Variants in TAF5 observed in about 807,000 individuals in gnomAD.
The protein encoded by TAF5 is transcription initiation factor TFIID subunit 5.
In TAF5, 20 loss-of-function variants were observed where a neutral mutation model predicts 80.9. The observed-to-expected ratio is 0.25, with a 90% CI of 0.17 to 0.36. The LOEUF (loss-of-function observed/expected upper bound fraction) is 0.36. TAF5 is among the 10% of genes least tolerant of loss of function. The pLI is 1.00. For missense variants in TAF5, 863 were observed against 1,029.4 expected (o/e 0.84, Z 2.21); for synonymous variants, 388 against 406.4 (o/e 0.95, Z 0.55).
intron 5 of TAF5, among the ~76,000 whole-genome samples, chr10:103,381,271 A>G (rs1170522450): frequency 7.2e-6 from 1 of 139,260 alleles, no homozygotes; most frequent in Non-Finnish European, 1.6e-5. Context: ...TTATTTTATT[A>G]TTATTTTTTT....
chr10:103,380,203 A>G (rs544939815), intron 5 of TAF5, among the ~76,000 whole-genome samples, 184 bp downstream of exon 5: 3 of 150,660 alleles, frequency 2.0e-5, no homozygotes, highest in African/African-American at 7.3e-5. Flanking sequence ...ATCTCAGCTC[A>G]CTGCAATGTC....
At position 103,387,581 on chromosome 10, in the gene TAF5, G is replaced by A. The variant is rs761339553; in HGVS notation, c.2068G>A (p.Asp690Asn). 2 of 1,614,042 alleles carry A rather than the reference G, an allele frequency of 1.2e-6. No individual in the cohort carries two copies. Among genetic ancestry groups the A allele is most frequent in the Non-Finnish European group, 1.7e-6 (2 of 1,180,034 alleles). Residue 690 changes from aspartate to asparagine, a missense_variant, in exon 10 of 11, where the codon GAT (aspartate) becomes AAT (asparagine). Coordinates refer to ENST00000369839, the MANE Select transcript of TAF5 (RefSeq NM_006951.5). ...NGRFLATGAT[D>N]GRVLLWDIGH... ...GAGATTCCTGGCTACAGGAGCAACA[G>A]ATGGCAGAGTGCTTCTTTGGGATAT...
In TAF5 at chr10:103,388,079, T is replaced by C; in HGVS notation, c.2259T>C (p.Thr753=). ...AFEDLETDDF[T]TATGHINLPE... ...AAGATTTAGAGACCGATGACTTTAC[T>C]ACAGCCACTGGGCATATAAATTTAC... is the stretch of plus-strand genomic sequence containing the variant. The change falls in exon 11 of 11, where the codon ACT becomes ACC. Residue 753 remains threonine, a synonymous_variant. Coordinates refer to ENST00000369839, the MANE Select transcript of TAF5 (RefSeq NM_006951.5). 1 of 1,614,154 alleles carries C rather than the reference T, an allele frequency of 6.2e-7. No individual in the cohort carries two copies. The highest frequency in any genetic ancestry group is 8.5e-7 in the Non-Finnish European group (1 of 1,179,984).
chr10:103,386,739 C>G (rs12244173), intron 8 of TAF5, among the ~76,000 whole-genome samples: 1 of 150,942 alleles, frequency 6.6e-6, no homozygotes, highest in African/African-American at 2.4e-5. Context: ...TCTCGGCTCA[C>G]TGCAACCTCT....
intron 2 of TAF5, among the ~76,000 whole-genome samples, chr10:103,375,304 G>A (rs1272106447): frequency 1.3e-5 from 2 of 152,066 alleles, no homozygotes; most frequent in Non-Finnish European, 2.9e-5. Context: ...AGGTTGTGGT[G>A]GAGGTGAAGA....
chr10:103,381,020 G>T (rs1375024918), intron 5 of TAF5, among the ~76,000 whole-genome samples: 1 of 151,742 alleles, frequency 6.6e-6, no homozygotes, highest in Non-Finnish European at 1.5e-5. Context: ...TGCAATTTTG[G>T]CTCACTGCAA....
chr10:103,382,208 T>A (rs531124133), intron 6 of TAF5, among the ~76,000 whole-genome samples: 44 of 152,326 alleles, frequency 2.9e-4, no homozygotes, highest in Admixed American at 9.2e-4. Flanking sequence ...AGGATTTTAT[T>A]TGAAAGTTTT....
chr10:103,373,654 CAT>C (rs1325049821), intron 2 of TAF5, 59 bp downstream of exon 2: 12 of 1,270,230 alleles, frequency 9.4e-6, no homozygotes, highest in South Asian at 1.4e-5. Flanking sequence ...TGTGTGCGTG[CAT>C]ATGTTTTCAC....
rs780224102 is a variant in TAF5, at chr10:103,387,169, T to TA, written c.1830-2dup. 47 of 1,602,496 alleles carry TA rather than the reference T, an allele frequency of 2.9e-5. No individual in the cohort carries two copies. Among genetic ancestry groups the TA allele is most frequent in the Non-Finnish European group, 3.7e-5 (43 of 1,173,774 alleles). ...TCATCTTTTGCTTTCAATAACTTTATAAAAGGCTCTGGGCTACAGACCACT... is the reference window on the plus strand; with the variant it reads ...TCATCTTTTGCTTTCAATAACTTTATAAAAAGGCTCTGGGCTACAGACCACT... On this transcript the variant is annotated splice_region_variant and splice_polypyrimidine_tract_variant and intron_variant, in intron 8 of 10. Coordinates refer to ENST00000369839, the MANE Select transcript of TAF5 (RefSeq NM_006951.5).
chr10:103,373,684 T>C, intron 2 of TAF5, 89 bp downstream of exon 2: 1 of 967,740 alleles, frequency 1.0e-6, no homozygotes, highest in Non-Finnish European at 1.5e-6. Context: ...ACCACAAAAA[T>C]GTAAGACTGC....
chr10:103,389,026 A>G lies in TAF5; in HGVS notation c.*803A>G, dbSNP rs2093405078. 6.6e-6 allele frequency: 1 copy of G among 152,640 alleles called. No individual in the cohort carries two copies. The highest frequency in any genetic ancestry group is 1.5e-5 in the Non-Finnish European group (1 of 68,028). 9.5% of individuals were successfully genotyped at this position (152,640 alleles called of 1,614,324 possible). ...TTTGTACAGTTTTTATATTTTTGAT[A>G]TCTTGTAAATAAAGACAACCAGCTT... On this transcript the variant is annotated 3_prime_UTR_variant, in exon 11 of 11. Coordinates refer to ENST00000369839, the MANE Select transcript of TAF5 (RefSeq NM_006951.5).
chr10:103,380,601 G>A (rs1483401876), intron 5 of TAF5, among the ~76,000 whole-genome samples: 8 of 151,940 alleles, frequency 5.3e-5, no homozygotes, highest in African/African-American at 1.5e-4. Flanking sequence ...AAGTACTTAC[G>A]TAAACTTATT....
At chr10:103,383,071 C>T (rs182874271) in intron 6 of TAF5, among the ~76,000 whole-genome samples, 167 bp from the exon 7 acceptor site, 4 of 152,340 alleles carry the variant, frequency 2.6e-5, no homozygotes, top group Admixed American at 2.6e-4. Flanking sequence ...ATTTTCTTCT[C>T]TTACACGCTG....
At position 103,368,348 on chromosome 10, in the gene TAF5, C is replaced by A; in HGVS notation, c.359C>A (p.Ala120Asp). 6.3e-7 allele frequency: 1 copy of A among 1,577,828 alleles called. No homozygotes were observed. Residue 120 changes from alanine (A) to aspartate (D), a missense_variant, in exon 1 of 11, where the codon GCC becomes GAC. Ala to Asp is a moderately radical substitution (Grantham distance 126). Transcript: ENST00000369839. ...GCCGAAGAGGCGCTGCGCCGTGAGGCCGGGCTGCTGGAGGAGGCAGTGGCG... is the reference window on the plus strand; with the variant it reads ...GCCGAAGAGGCGCTGCGCCGTGAGGACGGGCTGCTGGAGGAGGCAGTGGCG... Reference protein sequence around the residue: ...REAEEALRREAGLLEEAVAGS... With the variant: ...REAEEALRREDGLLEEAVAGS...
chr10:103,376,620 A>G (rs1164831020), intron 2 of TAF5, among the ~76,000 whole-genome samples: 2 of 152,068 alleles, frequency 1.3e-5, no homozygotes, highest in African/African-American at 4.8e-5. Flanking sequence ...CAGAACTTCT[A>G]CCCTAGAAGC....
chr10:103,368,035 G>C lies in TAF5; in HGVS notation c.46G>C (p.Glu16Gln). ...EEQTEVAVKL[E>Q]PEGPPTLLPP... is the part of the protein sequence containing the mutation. ...GCAGACGGAGGTGGCGGTCAAGCTA[G>C]AGCCTGAGGGACCGCCAACGCTGCT... The change falls in exon 1 of 11, where the codon GAG (glutamate) becomes CAG (glutamine). Residue 16 changes from glutamate (E) to glutamine (Q), a missense_variant. Glu to Gln is a conservative substitution (Grantham distance 29). Transcript: ENST00000369839. 2 of 1,456,358 alleles carry C rather than the reference G, an allele frequency of 1.4e-6. No homozygotes were observed. The highest frequency in any genetic ancestry group is 2.7e-5 in the South Asian group (2 of 74,712). The allele number at this position is 1,456,358 out of a possible 1,614,324, so 90.2% of individuals were successfully genotyped here.
In TAF5 at chr10:103,381,732, A is replaced by C; in HGVS notation, c.1425A>C (p.Ala475=). The change falls in exon 6 of 11, where the codon GCA becomes GCC. Residue 475 remains alanine (A), a synonymous_variant. Transcript: ENST00000369839. The part of the protein sequence containing the change: ...TFLNAYQGLT[A]VDVTDDSSLI... ...CCTTTTATTGGCAGGGTCTCACTGC[A>C]GTGGATGTCACTGATGATTCTAGTC... The C allele has an allele frequency of 6.2e-7, 1 of 1,614,182 alleles. No individual in the cohort carries two copies. Among genetic ancestry groups the C allele is most frequent in the African/African-American group, 1.3e-5 (1 of 75,058 alleles).
intron 10 of TAF5, 47 bp from the exon 11 acceptor site, chr10:103,387,959 G>C: frequency 6.5e-7 from 1 of 1,548,962 alleles, no homozygotes; most frequent in Non-Finnish European, 8.9e-7. Flanking sequence ...ATGTCCGAAT[G>C]TAAATATGAT....
chr10:103,371,625 G>A (rs1479800334), intron 1 of TAF5, among the ~76,000 whole-genome samples: 1 of 152,192 alleles, frequency 6.6e-6, no homozygotes, highest in Non-Finnish European at 1.5e-5. Flanking sequence ...ATTGTCTTAA[G>A]CATATAACTA....
Sources: gnomAD v4.1 joint callset for allele counts (sites outside exome capture counted in the v4.1 genomes callset) on GRCh38, gnomAD v4.1.1 for gene constraint, MANE v1.5 for transcripts, NCBI Gene and HGNC (gene_info 2026-07-23, HGNC 2026-07-21) for gene names.